The following ADGRA3 variants were observed in gnomAD, a reference collection of about 807,000 sequenced individuals.
ADGRA3 encodes G-protein coupled receptor 125.
A neutral mutation model predicts 119.8 loss-of-function variants in ADGRA3; 56 were observed. That is an observed-to-expected ratio of 0.47 (90% CI 0.38 to 0.58). The LOEUF is 0.58. ADGRA3 is among the 20% of genes least tolerant of loss of function. The pLI, the probability that ADGRA3 is intolerant of heterozygous loss-of-function variation, is 0.00. For synonymous variants in ADGRA3, 607 were observed against 623.8 expected, an observed-to-expected ratio of 0.97 and a Z score of 0.40; for missense variants, 1,516 against 1,649.0, an observed-to-expected ratio of 0.92 and a Z score of 1.40.
intron 3 of ADGRA3, among the ~76,000 whole-genome samples, chr4:22,456,674 T>C (rs1717250811): frequency 2.0e-5 from 3 of 152,278 alleles, no homozygotes; most frequent in South Asian, 4.1e-4. Context: ...AGAAAGCCTA[T>C]TGTGGGACCT....
At chr4:22,455,725 T>G in intron 3 of ADGRA3, 2 of 825,768 alleles carry the variant, frequency 2.4e-6, no homozygotes, top group Non-Finnish European at 3.4e-6. Context: ...CAATTTTATT[T>G]TTACATTTAA....
intron 2 of ADGRA3, among the ~76,000 whole-genome samples, chr4:22,470,320 TAAA>T (rs35417919): frequency 7.1e-6 from 1 of 141,302 alleles, no homozygotes. Context: ...GCTCCTAAAT[TAAA>T]AAAAAAAAAA....
At chr4:22,503,796 A>G (rs1577388231) in intron 1 of ADGRA3, among the ~76,000 whole-genome samples, 1 of 152,212 alleles carries the variant, frequency 6.6e-6, no homozygotes, top group East Asian at 1.9e-4. Context: ...TGATGTTTAC[A>G]GTACTTGGGG....
chr4:22,472,265 T>C (rs1717883401), intron 2 of ADGRA3, among the ~76,000 whole-genome samples: 1 of 152,200 alleles, frequency 6.6e-6, no homozygotes, highest in Non-Finnish European at 1.5e-5. Context: ...AATAGGAATG[T>C]ACTGTCTCAC....
At chr4:22,464,982 T>TGC (rs1332862092) in intron 2 of ADGRA3, among the ~76,000 whole-genome samples, 1 of 152,142 alleles carries the variant, frequency 6.6e-6, no homozygotes, top group Non-Finnish European at 1.5e-5. Flanking sequence ...AGCCTGGTAA[T>TGC]GTGAACCAGC....
At chr4:22,451,438 T>C (rs1717036602) in intron 4 of ADGRA3, among the ~76,000 whole-genome samples, 1 of 152,062 alleles carries the variant, frequency 6.6e-6, no homozygotes, top group African/African-American at 2.4e-5. Flanking sequence ...ACTGTTACAG[T>C]GGGACAGAGT....
At chr4:22,425,053 C>A (rs1441025566) in intron 10 of ADGRA3, among the ~76,000 whole-genome samples, 1 of 142,914 alleles carries the variant, frequency 7.0e-6, no homozygotes, top group African/African-American at 2.6e-5. Flanking sequence ...CTAGCCTGGA[C>A]AACAGAGTGA....
At chr4:22,512,403 A>C (rs1483811036) in intron 1 of ADGRA3, among the ~76,000 whole-genome samples, 2 of 152,156 alleles carry the variant, frequency 1.3e-5, no homozygotes, top group African/African-American at 4.8e-5. Context: ...GAGAAGAAAG[A>C]GCATGTTTTT....
At chr4:22,469,320 C>T (rs1717775091) in intron 2 of ADGRA3, among the ~76,000 whole-genome samples, 1 of 152,222 alleles carries the variant, frequency 6.6e-6, no homozygotes, top group South Asian at 2.1e-4. Context: ...TTCTCAATCA[C>T]TAGACTGTTA....
intron 4 of ADGRA3, among the ~76,000 whole-genome samples, chr4:22,449,536 A>C (rs1342770870): frequency 6.6e-6 from 1 of 152,026 alleles, no homozygotes; most frequent in African/African-American, 2.4e-5. Context: ...ATAAATATCT[A>C]TCCTACAAAT....
intron 2 of ADGRA3, among the ~76,000 whole-genome samples, chr4:22,465,957 C>A (rs1215034880): frequency 6.6e-6 from 1 of 152,116 alleles, no homozygotes; most frequent in African/African-American, 2.4e-5. Context: ...GCCTCAAAGT[C>A]ACTGCCTCTC....
At chr4:22,451,917 G>C (rs1717058579) in intron 4 of ADGRA3, among the ~76,000 whole-genome samples, 1 of 152,198 alleles carries the variant, frequency 6.6e-6, no homozygotes, top group Non-Finnish European at 1.5e-5. Context: ...TCATTGGACT[G>C]AGAAAATGCT....
chr4:22,426,299 C>T (rs997494436), intron 10 of ADGRA3, among the ~76,000 whole-genome samples: 1 of 152,162 alleles, frequency 6.6e-6, no homozygotes. Flanking sequence ...ACTGCCCTTA[C>T]CATAATGTAT....
intron 11 of ADGRA3, 104 bp from the exon 12 acceptor site, chr4:22,421,193 G>A: frequency 5.1e-6 from 4 of 779,094 alleles, no homozygotes; most frequent in Non-Finnish European, 8.1e-6. Flanking sequence ...AGCCAAACCA[G>A]AAAGCCCAGG....
chr4:22,422,979 TGAGATCAGGAGTTC>T (rs1308584798), intron 11 of ADGRA3, among the ~76,000 whole-genome samples: 1 of 151,974 alleles, frequency 6.6e-6, no homozygotes. Context: ...GTGGATAGCT[TGAGATCAGGAGTTC>T]GAGATCAGCC....
At chr4:22,403,943 G>A (rs1714779977) in intron 14 of ADGRA3, among the ~76,000 whole-genome samples, 1 of 152,064 alleles carries the variant, frequency 6.6e-6, no homozygotes, top group Non-Finnish European at 1.5e-5. Flanking sequence ...ATTCAAAGGA[G>A]CTTGGCTGCC....
At chr4:22,392,472 A>T in intron 17 of ADGRA3, 73 bp downstream of exon 17, 2 of 1,562,338 alleles carry the variant, frequency 1.3e-6, no homozygotes, top group Non-Finnish European at 1.7e-6. Context: ...TCACTCAGCA[A>T]TTTTGTTATA....
intron 2 of ADGRA3, among the ~76,000 whole-genome samples, chr4:22,464,556 G>T (rs1313382341): frequency 6.6e-6 from 1 of 152,132 alleles, no homozygotes; most frequent in Non-Finnish European, 1.5e-5. Flanking sequence ...GAATGCCATG[G>T]CCCCAGCATC....
At chr4:22,450,683 C>G (rs1453710891) in intron 4 of ADGRA3, among the ~76,000 whole-genome samples, 2 of 151,918 alleles carry the variant, frequency 1.3e-5, no homozygotes, top group Non-Finnish European at 2.9e-5. Flanking sequence ...TATACAGAAG[C>G]CTTTATCAGG....
Sources: gnomAD v4.1 joint callset for allele counts (sites outside exome capture counted in the v4.1 genomes callset) on GRCh38, gnomAD v4.1.1 for gene constraint, MANE v1.5 for transcripts, NCBI Gene and HGNC (gene_info 2026-07-23, HGNC 2026-07-21) for gene names.